The following TBC1D22A variants were observed in gnomAD, a reference collection of about 807,000 sequenced individuals.
TBC1D22A encodes the protein TBC1 domain family member 22A.
TBC1D22A carries 38 observed loss-of-function variants against 60.2 expected under a neutral mutation model. The ratio of observed to expected loss-of-function variants is 0.63; its 90% CI spans 0.49 to 0.83. The LOEUF is 0.83. Ranked by LOEUF, TBC1D22A falls within the 40% of genes least tolerant of loss-of-function variation. The probability of loss-of-function intolerance (pLI) is 0.00; values close to 1 mark genes in which losing one functional copy is unlikely to be tolerated. For missense variants in TBC1D22A, 628 were observed against 701.0 expected, an observed-to-expected ratio of 0.90 and a Z score of 1.18; for synonymous variants, 302 against 281.7, an observed-to-expected ratio of 1.07 and a Z score of -0.72.
chr22:46,974,860 G>A (rs1044073590), intron 9 of TBC1D22A, among the ~76,000 whole-genome samples: 3 of 152,240 alleles, frequency 2.0e-5, no homozygotes, highest in African/African-American at 7.2e-5. Flanking sequence ...CGCTGCAGCT[G>A]TGCCTGCTCC....
chr22:46,772,007 T>A (rs2083495017), intron 1 of TBC1D22A, among the ~76,000 whole-genome samples: 1 of 151,894 alleles, frequency 6.6e-6, no homozygotes, highest in South Asian at 2.1e-4. Context: ...ATGCCAGTAA[T>A]TCATTCCTTT....
intron 8 of TBC1D22A, among the ~76,000 whole-genome samples, chr22:46,944,460 G>A (rs1202688373): frequency 3.3e-5 from 5 of 152,062 alleles, no homozygotes; most frequent in Admixed American, 2.0e-4. Flanking sequence ...GTGCAGTGGC[G>A]CAATCTTGGC....
chr22:46,960,184 T>A (rs1318381978), intron 8 of TBC1D22A, among the ~76,000 whole-genome samples: 1 of 152,208 alleles, frequency 6.6e-6, no homozygotes, highest in African/African-American at 2.4e-5. Flanking sequence ...TTGTTATTAG[T>A]GCGTTTTTCA....
chr22:46,991,919 T>A (rs897993888), intron 9 of TBC1D22A, among the ~76,000 whole-genome samples: 4 of 152,148 alleles, frequency 2.6e-5, no homozygotes, highest in African/African-American at 9.7e-5. Flanking sequence ...CTCTCTCTCA[T>A]CTCTGCTCAG....
At chr22:46,999,360 A>G (rs1428222924) in intron 10 of TBC1D22A, among the ~76,000 whole-genome samples, 15 of 152,198 alleles carry the variant, frequency 9.9e-5, no homozygotes, top group African/African-American at 3.4e-4. Flanking sequence ...TTTTGTTTAA[A>G]GGATCAGTGC....
chr22:46,973,274 C>T (rs1272385409), intron 8 of TBC1D22A, among the ~76,000 whole-genome samples: 5 of 152,220 alleles, frequency 3.3e-5, no homozygotes, highest in East Asian at 1.9e-4. Context: ...CCCATGTGTA[C>T]CAGGCTGCTC....
intron 11 of TBC1D22A, among the ~76,000 whole-genome samples, chr22:47,098,600 T>C (rs1389313719): frequency 1.3e-5 from 2 of 150,926 alleles, no homozygotes; most frequent in East Asian, 3.9e-4. Flanking sequence ...AAGGGCCAGG[T>C]GAGGCATCTC....
rs67463903 is a variant in TBC1D22A, at chr22:46,932,720, C to CTTTTTT, written c.1015+20549_1015+20554dup. On this transcript the variant is annotated intron_variant, in intron 8 of 12. Transcript: ENST00000337137. ...AGTGCAGTGTGCGTTGTCCTTCTTG[C>CTTTTTT]TTTTTTTTTTTTTTTTTTTTTTGAG... Among the ~76,000 whole-genome samples, 184 of 66,316 alleles carry CTTTTTT rather than the reference C, an allele frequency of 2.8e-3. 14 individuals are homozygous for CTTTTTT. The highest frequency in any genetic ancestry group is 9.8e-3 in the African/African-American group (145 of 14,750). The allele number at this position is 66,316 out of a possible 152,430, so 43.5% of individuals were successfully genotyped here.
intron 5 of TBC1D22A, among the ~76,000 whole-genome samples, chr22:46,890,664 C>T (rs1236765387): frequency 6.6e-6 from 1 of 152,188 alleles, no homozygotes; most frequent in African/African-American, 2.4e-5. Context: ...GCCCAGGAAT[C>T]AGGCTCTTCG....
intron 5 of TBC1D22A, among the ~76,000 whole-genome samples, chr22:46,889,538 G>A (rs940475827): frequency 1.3e-5 from 2 of 152,172 alleles, no homozygotes; most frequent in African/African-American, 4.8e-5. Flanking sequence ...AACCCAAAGC[G>A]TATGCCCACG....
chr22:47,088,096 AAT>A lies in TBC1D22A; in HGVS notation c.1330-23410_1330-23409del, dbSNP rs754369289. Among the ~76,000 whole-genome samples the A allele has an allele frequency of 3.0e-4, 41 of 134,688 alleles. No individual in the cohort carries two copies. In the East Asian group the frequency reaches 8.7e-3, roughly 29 times the overall value. The allele number at this position is 134,688 out of a possible 152,430, so 88.4% of individuals were successfully genotyped here. ...TCAAATAAAAAATAATAATAATAAT[AAT>A]AAATTTAAAAAAGATTCAATATGAA... On this transcript the variant is annotated intron_variant, in intron 11 of 12. Transcript: ENST00000337137.
chr22:46,780,326 A>C (rs1463035866), intron 1 of TBC1D22A, among the ~76,000 whole-genome samples: 1 of 152,186 alleles, frequency 6.6e-6, no homozygotes. Context: ...CATTTATTTT[A>C]TGATCCTGAG....
chr22:46,908,031 A>C (rs5769232), intron 7 of TBC1D22A, among the ~76,000 whole-genome samples: 64,428 of 152,088 alleles, frequency 0.42, 17,002 homozygotes, highest in African/African-American at 0.72. Context: ...GCGGCCAGGC[A>C]CACACCTGAA....
rs569588573 is a variant in TBC1D22A, at chr22:46,849,141, A to G, written c.638-29512A>G. Among the ~76,000 whole-genome samples, 8 of 152,232 alleles carry G rather than the reference A, an allele frequency of 5.3e-5. No individual in the cohort carries two copies. The East Asian group carries it at 1.5e-3, about 29-fold the overall frequency. ...GGCAGAGGGCGTGGTTGTGGCCATT[A>G]TTATTCTGATGCTGGACAATTCTTT... On this transcript the variant is annotated intron_variant, in intron 4 of 12. Coordinates refer to ENST00000337137, the MANE Select transcript of TBC1D22A (RefSeq NM_014346.5).
intron 4 of TBC1D22A, among the ~76,000 whole-genome samples, chr22:46,851,597 G>T (rs1053209979): frequency 2.6e-5 from 4 of 152,268 alleles, no homozygotes; most frequent in African/African-American, 7.2e-5. Context: ...CCCGGTTAAG[G>T]ACAGAGTGCG....
intron 4 of TBC1D22A, among the ~76,000 whole-genome samples, chr22:46,875,521 G>T (rs141028820): frequency 1.3e-5 from 2 of 151,540 alleles, no homozygotes; most frequent in Non-Finnish European, 2.9e-5. Context: ...GCGTGATCTC[G>T]GCTCACTGCA....
chr22:47,089,690 G>A (rs2064843694), intron 11 of TBC1D22A, among the ~76,000 whole-genome samples: 2 of 152,160 alleles, frequency 1.3e-5, no homozygotes, highest in Non-Finnish European at 2.9e-5. Flanking sequence ...TCTTATTGTT[G>A]TGCAGAACCT....
intron 4 of TBC1D22A, among the ~76,000 whole-genome samples, chr22:46,856,344 T>TA (rs1389352571): frequency 6.6e-6 from 1 of 152,246 alleles, no homozygotes; most frequent in Admixed American, 6.5e-5. Flanking sequence ...CAGGTACTGT[T>TA]ACCAGCAAAG....
intron 12 of TBC1D22A, among the ~76,000 whole-genome samples, chr22:47,159,824 C>CCA (rs1341476560): frequency 6.6e-6 from 1 of 151,484 alleles, no homozygotes; most frequent in Non-Finnish European, 1.5e-5. Flanking sequence ...CACACAACCC[C>CCA]CACACACGCA....
Sources: allele counts gnomAD v4.1 joint callset (sites outside exome capture counted in the v4.1 genomes callset), GRCh38; gene constraint gnomAD v4.1.1; transcripts MANE v1.5; gene names NCBI Gene and HGNC (gene_info 2026-07-23, HGNC 2026-07-21).